The following CACNA2D1 variants were observed in gnomAD, a reference collection of about 807,000 sequenced individuals.
CACNA2D1 encodes voltage-dependent calcium channel subunit alpha-2/delta-1.
In CACNA2D1, 53 loss-of-function variants were observed where a neutral mutation model predicts 171.5. The observed-to-expected ratio is 0.31, with a 90% CI of 0.25 to 0.39. The LOEUF (loss-of-function observed/expected upper bound fraction) is 0.39. Among genes scored for constraint, CACNA2D1 ranks in the 10% least tolerant of loss-of-function variants. The pLI is 1.00. For missense variants in CACNA2D1, 903 were observed against 1,299.8 expected, an observed-to-expected ratio of 0.69 and a Z score of 4.69; for synonymous variants, 442 against 443.1, an observed-to-expected ratio of 1.00 and a Z score of 0.03.
rs1812292868 is a variant in CACNA2D1 at position 82,296,394 on chromosome 7, T to C, written c.294+38741A>G. Reference sequence around the variant, plus strand: ...TTAGCTCAATGTGTCTGCTAAAATTTTGCAGCCTTGGGCACTATAGCTGTT... The same window carrying C: ...TTAGCTCAATGTGTCTGCTAAAATTCTGCAGCCTTGGGCACTATAGCTGTT... On this transcript the variant is annotated intron_variant, in intron 3 of 38. Transcript: ENST00000356860. Among the ~76,000 whole-genome samples, 11 of 152,280 alleles carry C rather than the reference T, an allele frequency of 7.2e-5. No individual in the cohort carries two copies. In the South Asian group the frequency reaches 2.3e-3, roughly 32 times the overall value.
intron 2 of CACNA2D1, among the ~76,000 whole-genome samples, chr7:82,346,970 T>C (rs1256135080): frequency 1.3e-5 from 2 of 152,202 alleles, no homozygotes; most frequent in Non-Finnish European, 2.9e-5. Context: ...TAACCTTCTC[T>C]CAATTATTTT....
Position 81,997,890 on chromosome 7 carries a change from T to G in CACNA2D1, c.1591-640A>C, listed in dbSNP as rs558491769. On this transcript the variant is annotated intron_variant, in intron 18 of 38. Transcript: ENST00000356860. ...TCATAAAGATTTTAAGATTAGCTAT[T>G]ATAATTAAAGTCTTACTAGGATAAT... 1.1e-4 allele frequency among the ~76,000 whole-genome samples: 17 copies of G among 152,052 alleles called. No homozygotes were observed. In the East Asian group the frequency reaches 3.1e-3, roughly 28 times the overall value.
At chr7:82,360,483 C>T (rs148204826) in intron 1 of CACNA2D1, among the ~76,000 whole-genome samples, 1 of 152,098 alleles carries the variant, frequency 6.6e-6, no homozygotes, top group African/African-American at 2.4e-5. Context: ...ATTTTACTTA[C>T]AACCAGAAGT....
intron 4 of CACNA2D1, among the ~76,000 whole-genome samples, chr7:82,159,966 A>G (rs17155956): frequency 0.053 from 7,935 of 150,424 alleles, 284 homozygotes; most frequent in African/African-American, 0.079. Flanking sequence ...TATCTCTGAA[A>G]TAAAATTAAA....
chr7:82,183,021 T>C (rs556527618), intron 3 of CACNA2D1, among the ~76,000 whole-genome samples: 2 of 141,218 alleles, frequency 1.4e-5, no homozygotes, highest in African/African-American at 2.7e-5. Context: ...CGGGCAATAG[T>C]GTGAGACTCC....
chr7:81,987,262 T>C (rs1340895483), intron 21 of CACNA2D1, among the ~76,000 whole-genome samples: 2 of 152,190 alleles, frequency 1.3e-5, no homozygotes, highest in African/African-American at 4.8e-5. Context: ...ACATTCCTAG[T>C]CAATGGTGCT....
Position 82,433,187 on chromosome 7 carries a change from C to CA in CACNA2D1, c.95+10177dup, listed in dbSNP as rs3216244. ...TGAGTGACACAGTGAGACTCCATCTCAAAAAAAAAAAAAAATTCTAACGAC... is the reference window on the plus strand; with the variant it reads ...TGAGTGACACAGTGAGACTCCATCTCAAAAAAAAAAAAAAAATTCTAACGAC... On this transcript the variant is annotated intron_variant, in intron 1 of 38. Coordinates refer to ENST00000356860, the MANE Select transcript of CACNA2D1 (RefSeq NM_000722.4). Among the ~76,000 whole-genome samples, 327 of 122,848 alleles carry CA rather than the reference C, an allele frequency of 2.7e-3. 1 individual carries two copies. Among genetic ancestry groups the CA allele is most frequent in the South Asian group, 0.015 (53 of 3,466 alleles). 80.6% of individuals were successfully genotyped at this position (122,848 alleles called of 152,430 possible). A position where few individuals can be genotyped will look rare whatever the true frequency, so the allele number is the denominator to read the frequency against.
intron 3 of CACNA2D1, among the ~76,000 whole-genome samples, chr7:82,238,459 G>A (rs756313632): frequency 3.3e-5 from 5 of 151,650 alleles, no homozygotes; most frequent in Non-Finnish European, 7.4e-5. Flanking sequence ...ACATATATAC[G>A]GCCAACAATC....
At chr7:82,068,290 A>C (rs966170623) in intron 7 of CACNA2D1, among the ~76,000 whole-genome samples, 2 of 152,016 alleles carry the variant, frequency 1.3e-5, no homozygotes, top group Non-Finnish European at 2.9e-5. Context: ...AGGAGAGCTT[A>C]CAAGGAAAGA....
intron 1 of CACNA2D1, among the ~76,000 whole-genome samples, chr7:82,419,600 G>C (rs1355459982): frequency 6.6e-6 from 1 of 152,144 alleles, no homozygotes; most frequent in Non-Finnish European, 1.5e-5. Flanking sequence ...GCTTTACCAA[G>C]CACTAAATTT....
chr7:82,046,380 G>C (rs1804560186), intron 10 of CACNA2D1, among the ~76,000 whole-genome samples: 1 of 152,154 alleles, frequency 6.6e-6, no homozygotes, highest in African/African-American at 2.4e-5. Context: ...CACTCTTCAA[G>C]TTGACGGTGC....
chr7:82,175,455 C>T (rs774063799), intron 3 of CACNA2D1, among the ~76,000 whole-genome samples: 27 of 151,992 alleles, frequency 1.8e-4, no homozygotes, highest in Non-Finnish European at 2.2e-4. Context: ...TTGTATTATA[C>T]CTATGTTGAC....
intron 3 of CACNA2D1, among the ~76,000 whole-genome samples, chr7:82,322,835 G>C (rs1025330299): frequency 6.6e-6 from 1 of 152,142 alleles, no homozygotes; most frequent in African/African-American, 2.4e-5. Context: ...AAAAAGCCAG[G>C]ATGGGTTTGG....
At chr7:82,260,674 C>T (rs1247211323) in intron 3 of CACNA2D1, among the ~76,000 whole-genome samples, 1 of 152,082 alleles carries the variant, frequency 6.6e-6, no homozygotes, top group Non-Finnish European at 1.5e-5. Flanking sequence ...GAAGAAATGG[C>T]CTTAGAAAGG....
chr7:82,175,512 G>A (rs796300384), intron 3 of CACNA2D1, among the ~76,000 whole-genome samples: 4 of 151,858 alleles, frequency 2.6e-5, no homozygotes, highest in African/African-American at 9.7e-5. Context: ...TTCATCAAAC[G>A]GTTCTTAGCA....
chr7:81,971,645 T>C lies in CACNA2D1; in HGVS notation c.2141+132A>G, dbSNP rs2286764. 2.3e-3 allele frequency: 1,529 copies of C among 654,630 alleles called. 11 individuals carry two copies. Among genetic ancestry groups the C allele is most frequent in the East Asian group, 0.019 (689 of 35,712 alleles). The allele number at this position is 654,630 out of a possible 1,614,324, so 40.6% of individuals were successfully genotyped here. On this transcript the variant is annotated intron_variant, in intron 26 of 38. Coordinates refer to ENST00000356860, the MANE Select transcript of CACNA2D1 (RefSeq NM_000722.4). Reference sequence around the variant, plus strand: ...AAAATGCAAGTTGTCAACAACTGTATAGTGATTTTCTTGAGAAATATTAAA... The same window carrying C: ...AAAATGCAAGTTGTCAACAACTGTACAGTGATTTTCTTGAGAAATATTAAA...
At chr7:82,352,683 A>G (rs1174272265) in intron 1 of CACNA2D1, among the ~76,000 whole-genome samples, 2 of 152,166 alleles carry the variant, frequency 1.3e-5, no homozygotes, top group African/African-American at 4.8e-5. Context: ...AAGAGAGCCA[A>G]TGCTTAGTAA....
chr7:82,036,243 T>G (rs1236453539), intron 11 of CACNA2D1, among the ~76,000 whole-genome samples: 4 of 152,124 alleles, frequency 2.6e-5, no homozygotes, highest in Non-Finnish European at 5.9e-5. Flanking sequence ...AATACCTTCC[T>G]TAACTTAGAA....
Position 82,357,338 on chromosome 7 carries a change from T to C in CACNA2D1, c.96-7689A>G, listed in dbSNP as rs376467434. Among the ~76,000 whole-genome samples, 6 of 152,248 alleles carry C rather than the reference T, an allele frequency of 3.9e-5. No homozygotes were observed. The East Asian group carries it at 7.7e-4, about 20-fold the overall frequency. On this transcript the variant is annotated intron_variant, in intron 1 of 38. Coordinates refer to ENST00000356860, the MANE Select transcript of CACNA2D1 (RefSeq NM_000722.4). ...AAATTCAGAAAAACACAAATTACAC[T>C]TTGTGTAATCTACTGTAAAAGTATA... is the stretch of plus-strand genomic sequence containing the variant.
Sources: gnomAD v4.1 joint callset for allele counts (sites outside exome capture counted in the v4.1 genomes callset) on GRCh38, gnomAD v4.1.1 for gene constraint, MANE v1.5 for transcripts, NCBI Gene and HGNC (gene_info 2026-07-23, HGNC 2026-07-21) for gene names.